Variants in RHOU observed in about 807,000 individuals in gnomAD.
The protein encoded by RHOU is ras homolog family member U.
In RHOU, 8 loss-of-function variants were observed where a neutral mutation model predicts 12.6. That is an observed-to-expected ratio of 0.64 (90% CI 0.37 to 1.15). The LOEUF (loss-of-function observed/expected upper bound fraction) is 1.15, where lower values mean the gene tolerates loss of function less well. Ranked by LOEUF, RHOU falls within the 50% of genes most tolerant of loss-of-function variation. The pLI is 0.01. For synonymous variants in RHOU, 161 were observed against 147.4 expected, an observed-to-expected ratio of 1.09 and a Z score of -0.67; for missense variants, 258 against 347.0, an observed-to-expected ratio of 0.74 and a Z score of 2.04.
At chr1:228,705,766 G>A in the RHOU span, among the ~76,000 whole-genome samples, 1 of 152,144 alleles carries the variant, frequency 6.6e-6, no homozygotes, top group African/African-American at 2.4e-5. Context: ...CTCAAAGGCC[G>A]GGCGCGGTGG....
chr1:228,680,710 G>A, the RHOU span, among the ~76,000 whole-genome samples: 2 of 152,182 alleles, frequency 1.3e-5, no homozygotes, highest in Non-Finnish European at 2.9e-5. Flanking sequence ...GTCCCTCTGG[G>A]TCTAGGGCGG....
chr1:228,675,210 G>C, the RHOU span, among the ~76,000 whole-genome samples: 1 of 152,116 alleles, frequency 6.6e-6, no homozygotes, highest in Non-Finnish European at 1.5e-5. Flanking sequence ...GGGTTCTGCA[G>C]TGTCTCCTAT....
chr1:228,690,490 T>A, the RHOU span, among the ~76,000 whole-genome samples: 1 of 152,144 alleles, frequency 6.6e-6, no homozygotes, highest in African/African-American at 2.4e-5. Context: ...CACGCCTGGC[T>A]AATTTTGTAT....
At chr1:228,653,411 C>T in the RHOU span, among the ~76,000 whole-genome samples, 1 of 152,162 alleles carries the variant, frequency 6.6e-6, no homozygotes. Context: ...CCTCCGCCTC[C>T]CATGTTCAAG....
chr1:228,715,254 T>TG, the RHOU span, among the ~76,000 whole-genome samples: 1 of 152,146 alleles, frequency 6.6e-6, no homozygotes, highest in Admixed American at 6.6e-5. Context: ...AATTTCCCTA[T>TG]GGTTACTGCT....
chr1:228,741,738 G>A (rs1459121396), intron 2 of RHOU, among the ~76,000 whole-genome samples: 1 of 152,096 alleles, frequency 6.6e-6, no homozygotes, highest in Non-Finnish European at 1.5e-5. Flanking sequence ...AAACTCCAGG[G>A]CTCAAGTGAT....
the RHOU span, among the ~76,000 whole-genome samples, chr1:228,688,810 T>C: frequency 1.3e-5 from 2 of 152,190 alleles, no homozygotes; most frequent in Non-Finnish European, 2.9e-5. Flanking sequence ...CCAGCGCAGG[T>C]AGAATTCTCT....
the RHOU span, among the ~76,000 whole-genome samples, chr1:228,717,903 C>A: frequency 6.6e-6 from 1 of 152,200 alleles, no homozygotes; most frequent in Non-Finnish European, 1.5e-5. Context: ...TCGGGTAATT[C>A]CATGCCCTCC....
At chr1:228,689,892 G>A in the RHOU span, among the ~76,000 whole-genome samples, 1 of 152,014 alleles carries the variant, frequency 6.6e-6, no homozygotes, top group Non-Finnish European at 1.5e-5. Context: ...TAAGCCATCT[G>A]TGAACCATGA....
chr1:228,706,120 TGAGA>T, the RHOU span, among the ~76,000 whole-genome samples: 2 of 152,144 alleles, frequency 1.3e-5, no homozygotes. Context: ...CTTCAGAATC[TGAGA>T]GAGAATTCAC....
chr1:228,693,556 T>C, the RHOU span, among the ~76,000 whole-genome samples: 1 of 152,148 alleles, frequency 6.6e-6, no homozygotes, highest in African/African-American at 2.4e-5. Context: ...AACCTCTGCC[T>C]CCCGGGTTCA....
At chr1:228,739,136 A>G (rs1007975099) in intron 2 of RHOU, among the ~76,000 whole-genome samples, 2 of 152,042 alleles carry the variant, frequency 1.3e-5, no homozygotes, top group East Asian at 1.9e-4. Flanking sequence ...GGTAAAAAAA[A>G]AGAAAAATCA....
At chr1:228,684,329 G>A in the RHOU span, among the ~76,000 whole-genome samples, 2 of 148,866 alleles carry the variant, frequency 1.3e-5, no homozygotes, top group Non-Finnish European at 2.9e-5. Flanking sequence ...GAGCCACTGC[G>A]CCTGGCCAGT....
chr1:228,687,419 C>A, the RHOU span: 2 of 1,286,564 alleles, frequency 1.6e-6, no homozygotes, highest in Non-Finnish European at 2.2e-6. Flanking sequence ...CATGCACTGC[C>A]TTGAAGAACT....
the RHOU span, chr1:228,650,508 G>A: frequency 5.7e-5 from 26 of 456,692 alleles, 1 homozygote; most frequent in African/African-American, 5.0e-4. Flanking sequence ...TGCTGAACTA[G>A]GGGAGCTGCC....
At chr1:228,661,813 G>A in the RHOU span, among the ~76,000 whole-genome samples, 1 of 152,144 alleles carries the variant, frequency 6.6e-6, no homozygotes, top group Non-Finnish European at 1.5e-5. Flanking sequence ...GGCAACAAAA[G>A]CCAAAATTGA....
At chr1:228,683,422 A>C in the RHOU span, among the ~76,000 whole-genome samples, 63 of 152,346 alleles carry the variant, frequency 4.1e-4, no homozygotes, top group African/African-American at 1.5e-3. Context: ...CTTAGGAGAT[A>C]GGATCAGGTA....
At chr1:228,647,798 C>G in the RHOU span, 1 of 152,244 alleles carries the variant, frequency 6.6e-6, no homozygotes, top group East Asian at 1.9e-4. Context: ...CCACACTAAG[C>G]GGTCCCGGGC....
chr1:228,693,750 G>A, the RHOU span, among the ~76,000 whole-genome samples: 2 of 152,192 alleles, frequency 1.3e-5, no homozygotes, highest in Admixed American at 1.3e-4. Context: ...ACAGGCATGA[G>A]CCACCGCTCC....
Sources: gnomAD v4.1 joint callset for allele counts (sites outside exome capture counted in the v4.1 genomes callset) on GRCh38, gnomAD v4.1.1 for gene constraint, MANE v1.5 for transcripts, NCBI Gene and HGNC (gene_info 2026-07-23, HGNC 2026-07-21) for gene names.